WWP1: variants seen among roughly 807,000 people sequenced by gnomAD.
The protein encoded by WWP1 is NEDD4-like E3 ubiquitin-protein ligase WWP1.
Under a neutral mutation model 130.6 loss-of-function variants are expected in WWP1, and 49 were observed. The ratio of observed to expected loss-of-function variants is 0.38; its 90% confidence interval spans 0.30 to 0.48. WWP1 has a LOEUF of 0.48. Ranked by LOEUF, WWP1 falls within the 20% of genes least tolerant of loss-of-function variation. WWP1 has a pLI of 0.99. For missense variants in WWP1, 809 were observed against 1,100.6 expected (o/e 0.74, Z 3.75); for synonymous variants, 332 against 367.8 (o/e 0.90, Z 1.11).
At chr8:86,427,539 T>C in intron 10 of WWP1, 104 bp from the exon 11 acceptor site, 2 of 1,229,844 alleles carry the variant, frequency 1.6e-6, no homozygotes, top group East Asian at 2.5e-5. Context: ...GTTTTAGTTA[T>C]TTTAACATGT....
chr8:86,382,618 G>A (rs1005327836), intron 5 of WWP1, among the ~76,000 whole-genome samples: 2 of 152,198 alleles, frequency 1.3e-5, no homozygotes, highest in Non-Finnish European at 2.9e-5. Context: ...AGAATCGCTT[G>A]AACCCGGGAG....
chr8:86,412,387 C>T (rs1808636873), intron 9 of WWP1, among the ~76,000 whole-genome samples: 1 of 152,054 alleles, frequency 6.6e-6, no homozygotes, highest in African/African-American at 2.4e-5. Context: ...ACTCAACTTC[C>T]CATGATTTTC....
chr8:86,344,114 A>G (rs1822419477), intron 1 of WWP1, among the ~76,000 whole-genome samples: 1 of 152,234 alleles, frequency 6.6e-6, no homozygotes, highest in African/African-American at 2.4e-5. Flanking sequence ...GTAGTAAATT[A>G]GCTGCAACTA....
intron 3 of WWP1, among the ~76,000 whole-genome samples, 193 bp from the exon 4 acceptor site, chr8:86,380,533 T>C (rs1186290775): frequency 6.6e-6 from 1 of 152,202 alleles, no homozygotes; most frequent in Non-Finnish European, 1.5e-5. Flanking sequence ...GAATGATAGC[T>C]CACTAAAACT....
intron 18 of WWP1, among the ~76,000 whole-genome samples, chr8:86,446,475 T>A (rs1810886461): frequency 6.6e-6 from 1 of 152,154 alleles, no homozygotes; most frequent in Admixed American, 6.5e-5. Context: ...CAGAAGCTCT[T>A]TAGTTTAATT....
intron 14 of WWP1, among the ~76,000 whole-genome samples, chr8:86,432,353 C>T (rs1289009704): frequency 1.3e-5 from 2 of 152,248 alleles, no homozygotes; most frequent in East Asian, 1.9e-4. Flanking sequence ...TACCATCTCT[C>T]CTCCCTCCTG....
chr8:86,431,494 T>G lies in WWP1; in HGVS notation c.1472+4T>G. Reference sequence around the variant, plus strand: ...GGGAAGATCCAAGAACTCAAGGGTATGTATATACAGCAGCCTTAAGTCGTC... The same window carrying G: ...GGGAAGATCCAAGAACTCAAGGGTAGGTATATACAGCAGCCTTAAGTCGTC... On this transcript the variant is annotated splice_donor_region_variant and intron_variant, in intron 13 of 24. Transcript: ENST00000517970. 1 of 1,612,428 alleles carries G rather than the reference T, an allele frequency of 6.2e-7. No individual in the cohort carries two copies. The highest frequency in any genetic ancestry group is 8.5e-7 in the Non-Finnish European group (1 of 1,179,152).
chr8:86,393,472 T>A (rs755357434), intron 5 of WWP1, among the ~76,000 whole-genome samples: 20 of 152,090 alleles, frequency 1.3e-4, no homozygotes, highest in Non-Finnish European at 2.2e-4. Context: ...GATCTTGAAC[T>A]CCTCAAGTGA....
At chr8:86,459,631 AC>A (rs1811651849) in intron 22 of WWP1, among the ~76,000 whole-genome samples, 3 of 152,236 alleles carry the variant, frequency 2.0e-5, no homozygotes, top group Admixed American at 6.5e-5. Flanking sequence ...ATTATAAAAT[AC>A]ATACATAAAT....
intron 18 of WWP1, 84 bp downstream of exon 18, chr8:86,442,862 G>A: frequency 1.5e-6 from 2 of 1,319,370 alleles, no homozygotes; most frequent in Non-Finnish European, 1.0e-6. Flanking sequence ...AAAAGGATAA[G>A]CATTATATTT....
chr8:86,440,089 C>T (rs7461904), intron 17 of WWP1, among the ~76,000 whole-genome samples: 21,732 of 152,078 alleles, frequency 0.14, 4,232 homozygotes, highest in African/African-American at 0.44. Context: ...GCATCTATTA[C>T]GAGTTTATCT....
chr8:86,368,548 A>AT (rs771401121), intron 1 of WWP1, among the ~76,000 whole-genome samples: 3 of 152,082 alleles, frequency 2.0e-5, no homozygotes, highest in Non-Finnish European at 4.4e-5. Context: ...TTCCAAAGTT[A>AT]TTTTTCCAAA....
chr8:86,436,555 A>AATCTG (rs1810297962), intron 16 of WWP1, among the ~76,000 whole-genome samples: 1 of 152,226 alleles, frequency 6.6e-6, no homozygotes, highest in Admixed American at 6.5e-5. Context: ...GAGAGCAGGG[A>AATCTG]CTATTGGTTT....
At chr8:86,372,302 G>C (rs924199141) in intron 2 of WWP1, among the ~76,000 whole-genome samples, 17 of 152,032 alleles carry the variant, frequency 1.1e-4, no homozygotes, top group Admixed American at 2.0e-4. Context: ...GATTACAGGC[G>C]TGAGCCACCG....
At chr8:86,348,343 C>G (rs1186337637) in intron 1 of WWP1, among the ~76,000 whole-genome samples, 1 of 152,002 alleles carries the variant, frequency 6.6e-6, no homozygotes, top group Non-Finnish European at 1.5e-5. Context: ...CTCAGCCTCC[C>G]AAGTAGTTGG....
chr8:86,454,665 A>T (rs908539627), intron 21 of WWP1, among the ~76,000 whole-genome samples: 1 of 152,054 alleles, frequency 6.6e-6, no homozygotes, highest in African/African-American at 2.4e-5. Context: ...GCACTCAGAG[A>T]GGGATGTTAT....
chr8:86,374,224 T>C, intron 3 of WWP1, 104 bp downstream of exon 3: 1 of 889,220 alleles, frequency 1.1e-6, no homozygotes, highest in Non-Finnish European at 1.7e-6. Context: ...TTTAGATTCA[T>C]ACTATGGCAT....
intron 21 of WWP1, among the ~76,000 whole-genome samples, chr8:86,454,910 T>TA (rs1450104982): frequency 6.6e-6 from 1 of 152,080 alleles, no homozygotes; most frequent in Non-Finnish European, 1.5e-5. Flanking sequence ...GCTAATCAAT[T>TA]AAGAGTGCAG....
chr8:86,358,817 ATT>A (rs1162053582), intron 1 of WWP1, among the ~76,000 whole-genome samples: 1 of 151,966 alleles, frequency 6.6e-6, no homozygotes, highest in Non-Finnish European at 1.5e-5. Context: ...CCCATTTATT[ATT>A]TAGTAGGGGC....
Sources: allele counts gnomAD v4.1 joint callset (sites outside exome capture counted in the v4.1 genomes callset), GRCh38; gene constraint gnomAD v4.1.1; transcripts MANE v1.5; gene names NCBI Gene and HGNC (gene_info 2026-07-23, HGNC 2026-07-21).